The following PALLD variants were observed in gnomAD, a reference collection of about 807,000 sequenced individuals.
The protein encoded by PALLD is palladin.
Under a neutral mutation model 123.5 loss-of-function variants are expected in PALLD, and 61 were observed. The ratio of observed to expected loss-of-function variants is 0.49; its 90% confidence interval spans 0.40 to 0.61. PALLD has a LOEUF of 0.61. Ranked by LOEUF, PALLD falls within the 20% of genes least tolerant of loss-of-function variation. The probability of loss-of-function intolerance (pLI) is 0.00; values close to 1 mark genes in which losing one functional copy is unlikely to be tolerated. For missense variants in PALLD, 1,273 were observed against 1,377.0 expected (o/e 0.92, Z 1.20); for synonymous variants, 465 against 496.4 (o/e 0.94, Z 0.84).
chr4:168,901,497 G>T (rs547214057), intron 14 of PALLD, among the ~76,000 whole-genome samples: 3 of 152,258 alleles, frequency 2.0e-5, no homozygotes, highest in African/African-American at 7.2e-5. Flanking sequence ...TCAAGAACTG[G>T]CATTGTGGCA....
chr4:168,912,680 A>G (rs1759233508), intron 15 of PALLD, among the ~76,000 whole-genome samples: 1 of 152,320 alleles, frequency 6.6e-6, no homozygotes, highest in Non-Finnish European at 1.5e-5. Flanking sequence ...TAATGTTCAA[A>G]TCATGGTAAT....
chr4:168,734,376 T>C (rs951385678), intron 10 of PALLD, among the ~76,000 whole-genome samples: 1 of 152,144 alleles, frequency 6.6e-6, no homozygotes, highest in African/African-American at 2.4e-5. Flanking sequence ...ACAACTCTAG[T>C]CAAACATCCA....
intron 1 of PALLD, among the ~76,000 whole-genome samples, chr4:168,510,923 T>C (rs1371464743): frequency 6.6e-6 from 1 of 152,190 alleles, no homozygotes; most frequent in Admixed American, 6.5e-5. Context: ...ATTATTACCA[T>C]CTGTTGGACT....
At chr4:168,777,467 A>G (rs893391193) in intron 10 of PALLD, among the ~76,000 whole-genome samples, 1 of 152,110 alleles carries the variant, frequency 6.6e-6, no homozygotes, top group Non-Finnish European at 1.5e-5. Context: ...CACCTGCATG[A>G]TAAGAGAAAA....
intron 10 of PALLD, among the ~76,000 whole-genome samples, chr4:168,868,582 T>C (rs1382320970): frequency 6.6e-6 from 1 of 152,220 alleles, no homozygotes; most frequent in Non-Finnish European, 1.5e-5. Context: ...TTCCTGGCAG[T>C]ACTTCACAAC....
chr4:168,870,884 A>G (rs1750983431), intron 10 of PALLD, among the ~76,000 whole-genome samples: 1 of 152,206 alleles, frequency 6.6e-6, no homozygotes, highest in Admixed American at 6.5e-5. Flanking sequence ...CTCTTAGGAA[A>G]ATGCAATTGT....
At chr4:168,613,202 A>C (rs1773902622) in intron 2 of PALLD, among the ~76,000 whole-genome samples, 1 of 152,192 alleles carries the variant, frequency 6.6e-6, no homozygotes, top group Non-Finnish European at 1.5e-5. Flanking sequence ...TTTGCCTCGG[A>C]CTGAGGGGTT....
intron 3 of PALLD, among the ~76,000 whole-genome samples, chr4:168,676,669 T>C (rs1407231999): frequency 2.6e-5 from 4 of 151,796 alleles, no homozygotes; most frequent in Non-Finnish European, 4.4e-5. Context: ...CACTGCAAGC[T>C]CCACCTCCTG....
chr4:168,708,792 A>G (rs550537012), intron 8 of PALLD, among the ~76,000 whole-genome samples: 183 of 152,224 alleles, frequency 1.2e-3, no homozygotes, highest in Admixed American at 2.4e-3. Context: ...ATAGATGAGG[A>G]CACCGAGACT....
chr4:168,662,627 ATC>A (rs1380977733), intron 2 of PALLD, among the ~76,000 whole-genome samples: 1 of 152,218 alleles, frequency 6.6e-6, no homozygotes, highest in African/African-American at 2.4e-5. Context: ...TCACCCTAGT[ATC>A]TCTTTCCCTA....
In PALLD at chr4:168,603,104, T is replaced by C. The variant is rs138734596; in HGVS notation, c.909-65086T>C. 1.5e-3 allele frequency among the ~76,000 whole-genome samples: 235 copies of C among 152,298 alleles called. 2 individuals carry two copies. The highest frequency in any genetic ancestry group is 5.2e-3 in the African/African-American group (216 of 41,568). On this transcript the variant is annotated intron_variant, in intron 2 of 21. Transcript: ENST00000505667. ...AAACTATGCAGTGATACCCCAGTCA[T>C]GGATTAACCACTCTAAATATAAATT...
chr4:168,511,428 A>C lies in PALLD; in HGVS notation c.-77A>C, dbSNP rs1762520652. On this transcript the variant is annotated 5_prime_UTR_variant, in exon 2 of 22. Coordinates refer to ENST00000505667, the MANE Select transcript of PALLD (RefSeq NM_001166108.2). ...CATTCTATGCTGTCTTTCAGAACAC[A>C]GTTTCAGAAAACAGTTTCCAGTGCC... 1.9e-6 allele frequency: 2 copies of C among 1,051,646 alleles called. No homozygotes were observed. Among genetic ancestry groups the C allele is most frequent in the African/African-American group, 3.1e-5 (2 of 63,912 alleles). The allele number at this position is 1,051,646 out of a possible 1,614,324, so 65.1% of individuals were successfully genotyped here.
chr4:168,590,864 GTTTTTTTTTTTT>G (rs371992201), intron 2 of PALLD, among the ~76,000 whole-genome samples: 15 of 70,196 alleles, frequency 2.1e-4, no homozygotes, highest in South Asian at 5.8e-4. Flanking sequence ...GACCTAGAAA[GTTTTTTTTTTTT>G]TTTTTTTTTT....
intron 1 of PALLD, among the ~76,000 whole-genome samples, chr4:168,502,299 G>GA (rs1761493618): frequency 6.6e-6 from 1 of 152,160 alleles, no homozygotes; most frequent in Admixed American, 6.5e-5. Flanking sequence ...AGAATTGCCA[G>GA]AAAATAGAAT....
chr4:168,706,356 T>A (rs1784231821), intron 8 of PALLD, among the ~76,000 whole-genome samples: 1 of 152,152 alleles, frequency 6.6e-6, no homozygotes, highest in Admixed American at 6.5e-5. Context: ...ATAAACTAAG[T>A]TTTTCACACC....
intron 2 of PALLD, among the ~76,000 whole-genome samples, chr4:168,593,893 CAT>C (rs1216174915): frequency 3.3e-5 from 5 of 152,092 alleles, no homozygotes; most frequent in African/African-American, 1.2e-4. Flanking sequence ...TTTTTAAAGA[CAT>C]AAAGTGATTT....
At chr4:168,791,847 T>C (rs184517091) in intron 10 of PALLD, among the ~76,000 whole-genome samples, 68 of 152,306 alleles carry the variant, frequency 4.5e-4, no homozygotes, top group African/African-American at 1.4e-3. Context: ...TCCTTACTGT[T>C]TTGTGTCACT....
chr4:168,753,147 C>T (rs1236298138), intron 10 of PALLD, among the ~76,000 whole-genome samples: 1 of 152,156 alleles, frequency 6.6e-6, no homozygotes, highest in East Asian at 1.9e-4. Flanking sequence ...CCTGACTACT[C>T]ACAAGCAGCA....
chr4:168,643,627 G>T (rs902306655), intron 2 of PALLD, among the ~76,000 whole-genome samples: 3 of 149,350 alleles, frequency 2.0e-5, no homozygotes, highest in African/African-American at 7.3e-5. Flanking sequence ...AGGAAAGCAG[G>T]CTGGTTAAGA....
Sources: gnomAD v4.1 joint callset for allele counts (sites outside exome capture counted in the v4.1 genomes callset) on GRCh38, gnomAD v4.1.1 for gene constraint, MANE v1.5 for transcripts, NCBI Gene and HGNC (gene_info 2026-07-23, HGNC 2026-07-21) for gene names.